NCOA2: variants seen among roughly 807,000 people sequenced by gnomAD.
The protein encoded by NCOA2 is class E basic helix-loop-helix protein 75.
A neutral mutation model predicts 145.1 loss-of-function variants in NCOA2; 21 were observed. That is an observed-to-expected ratio of 0.14 (90% CI 0.10 to 0.21). The LOEUF (loss-of-function observed/expected upper bound fraction) is 0.21, where lower values mean the gene tolerates loss of function less well. Ranked by LOEUF, NCOA2 falls within the 10% of genes least tolerant of loss-of-function variation. The pLI, the probability that NCOA2 is intolerant of heterozygous loss-of-function variation, is 1.00. For missense variants in NCOA2, 1,472 were observed against 1,837.6 expected, an observed-to-expected ratio of 0.80 and a Z score of 3.64; for synonymous variants, 619 against 637.5, an observed-to-expected ratio of 0.97 and a Z score of 0.44.
chr8:70,241,018 A>G (rs1822080331), intron 2 of NCOA2, among the ~76,000 whole-genome samples: 2 of 152,120 alleles, frequency 1.3e-5, no homozygotes, highest in African/African-American at 2.4e-5. Context: ...GTGGACTTCT[A>G]ATTGCTTCTA....
At chr8:70,455,868 T>A in the NCOA2 span, among the ~76,000 whole-genome samples, 1 of 152,188 alleles carries the variant, frequency 6.6e-6, no homozygotes, top group African/African-American at 2.4e-5. Context: ...TAAAATTCTA[T>A]TTGAGATTCC....
At chr8:70,124,897 AAG>A (rs547319844) in intron 19 of NCOA2, 32 bp from the exon 20 acceptor site, 193 of 1,548,222 alleles carry the variant, frequency 1.2e-4, no homozygotes, top group Non-Finnish European at 1.6e-4. Context: ...AGAAATCCAA[AAG>A]AGACTGTTAG....
intron 2 of NCOA2, among the ~76,000 whole-genome samples, chr8:70,232,232 C>T (rs1019365026): frequency 1.3e-5 from 2 of 152,154 alleles, no homozygotes; most frequent in African/African-American, 4.8e-5. Context: ...CACCTCCCCA[C>T]CTGCAGCCAC....
chr8:70,221,153 G>A (rs913269155), intron 2 of NCOA2, among the ~76,000 whole-genome samples: 6 of 152,156 alleles, frequency 3.9e-5, no homozygotes, highest in Non-Finnish European at 5.9e-5. Flanking sequence ...ATAGACATAT[G>A]AAATTGTGTA....
chr8:70,365,023 T>G (rs1810562174), intron 1 of NCOA2, among the ~76,000 whole-genome samples: 1 of 152,170 alleles, frequency 6.6e-6, no homozygotes, highest in South Asian at 2.1e-4. Context: ...TGAATTCTTA[T>G]GAAGTGCCAA....
intron 14 of NCOA2, 30 bp from the exon 15 acceptor site, chr8:70,138,362 T>C (rs772427766): frequency 1.9e-6 from 3 of 1,565,086 alleles, no homozygotes; most frequent in South Asian, 2.4e-5. Flanking sequence ...AAATCTTACA[T>C]CTTTAATCAA....
intron 2 of NCOA2, among the ~76,000 whole-genome samples, chr8:70,229,449 T>C (rs1820943235): frequency 6.6e-6 from 1 of 152,290 alleles, no homozygotes; most frequent in African/African-American, 2.4e-5. Context: ...GAAGAATGGG[T>C]ATAATTTTCC....
chr8:70,148,233 T>C (rs760661299), intron 12 of NCOA2, 40 bp downstream of exon 12: 24 of 1,579,458 alleles, frequency 1.5e-5, no homozygotes, highest in Non-Finnish European at 1.7e-5. Context: ...AGTGATTATA[T>C]GGAAATTTCT....
At chr8:70,164,697 A>G (rs1054611807) in intron 7 of NCOA2, among the ~76,000 whole-genome samples, 4 of 152,160 alleles carry the variant, frequency 2.6e-5, no homozygotes, top group African/African-American at 9.6e-5. Context: ...TAGTCTTTTA[A>G]AACTGTTTCA....
At chr8:70,445,345 T>C in the NCOA2 span, among the ~76,000 whole-genome samples, 1 of 152,226 alleles carries the variant, frequency 6.6e-6, no homozygotes, top group Admixed American at 6.5e-5. Flanking sequence ...TAACTGTATT[T>C]CATTTTCCCT....
At chr8:70,299,022 T>A (rs1827293943) in intron 1 of NCOA2, among the ~76,000 whole-genome samples, 1 of 151,982 alleles carries the variant, frequency 6.6e-6, no homozygotes, top group South Asian at 2.1e-4. Context: ...ATCGCGCCAC[T>A]ATACTCCAGC....
intron 4 of NCOA2, among the ~76,000 whole-genome samples, chr8:70,184,314 G>A (rs967062811): frequency 6.6e-6 from 1 of 152,140 alleles, no homozygotes; most frequent in Non-Finnish European, 1.5e-5. Context: ...AGTGATCTGG[G>A]TAACACAGAC....
At chr8:70,447,873 T>C in the NCOA2 span, among the ~76,000 whole-genome samples, 1 of 151,950 alleles carries the variant, frequency 6.6e-6, no homozygotes, top group Non-Finnish European at 1.5e-5. Flanking sequence ...TTCTTAGAGA[T>C]GGGGTTTCTC....
intron 2 of NCOA2, among the ~76,000 whole-genome samples, chr8:70,291,769 C>T (rs1446976578): frequency 6.6e-6 from 1 of 152,300 alleles, no homozygotes; most frequent in Non-Finnish European, 1.5e-5. Flanking sequence ...GTTGCTACTG[C>T]TTTAACCTCG....
At chr8:70,219,112 C>T (rs1819911585) in intron 2 of NCOA2, among the ~76,000 whole-genome samples, 1 of 152,114 alleles carries the variant, frequency 6.6e-6, no homozygotes, top group Non-Finnish European at 1.5e-5. Flanking sequence ...ATATGAGGGA[C>T]AGCACTGGGA....
the NCOA2 span, among the ~76,000 whole-genome samples, chr8:70,440,667 G>C: frequency 1.3e-5 from 2 of 148,164 alleles, no homozygotes; most frequent in Admixed American, 1.4e-4. Flanking sequence ...GAAAGAGGGA[G>C]AGAGAGAAAG....
At chr8:70,209,651 T>G (rs764256259) in intron 4 of NCOA2, among the ~76,000 whole-genome samples, 1 of 152,200 alleles carries the variant, frequency 6.6e-6, no homozygotes, top group Non-Finnish European at 1.5e-5. Flanking sequence ...GCAAAGAGAT[T>G]AGAACTTGTT....
At chr8:70,197,531 AGTGCTTTACAG>A in intron 4 of NCOA2, among the ~76,000 whole-genome samples, 1 of 152,372 alleles carries the variant, frequency 6.6e-6, no homozygotes, top group East Asian at 1.9e-4. Context: ...CGACAGGGAC[AGTGCTTTACAG>A]GTCTTTATAT....
At chr8:70,116,086 C>A (rs1807081491) in intron 22 of NCOA2, among the ~76,000 whole-genome samples, 1 of 147,420 alleles carries the variant, frequency 6.8e-6, no homozygotes. Flanking sequence ...ACTAGGGAGG[C>A]TGAGGAAGGA....
Sources: gnomAD v4.1 joint callset for allele counts (sites outside exome capture counted in the v4.1 genomes callset) on GRCh38, gnomAD v4.1.1 for gene constraint, MANE v1.5 for transcripts, NCBI Gene and HGNC (gene_info 2026-07-23, HGNC 2026-07-21) for gene names.